Variants in EPB41L2 observed in about 807,000 individuals in gnomAD.
EPB41L2 encodes the protein erythrocyte membrane protein band 4.1 like 2, also known as band 4.1-like protein 2.
Under a neutral mutation model 113.0 loss-of-function variants are expected in EPB41L2, and 43 were observed. That is an observed-to-expected ratio of 0.38 (90% CI 0.30 to 0.49). The LOEUF is 0.49. Among genes scored for constraint, EPB41L2 ranks in the 20% least tolerant of loss-of-function variants. EPB41L2 has a pLI of 0.95. For synonymous variants in EPB41L2, 442 were observed against 436.7 expected (o/e 1.01, Z -0.15); for missense variants, 1,147 against 1,223.4 (o/e 0.94, Z 0.93).
At chr6:131,037,981 G>A (rs1489094234) in intron 1 of EPB41L2, among the ~76,000 whole-genome samples, 1 of 152,086 alleles carries the variant, frequency 6.6e-6, no homozygotes, top group Non-Finnish European at 1.5e-5. Context: ...GATTTATCAA[G>A]CATTATGTCC....
chr6:130,875,834 A>G (rs1416480942), intron 14 of EPB41L2, among the ~76,000 whole-genome samples: 1 of 152,074 alleles, frequency 6.6e-6, no homozygotes, highest in East Asian at 1.9e-4. Flanking sequence ...CGTCTCAACT[A>G]AAAACACAAA....
At chr6:130,900,855 A>G in intron 7 of EPB41L2, 107 bp downstream of exon 7, 1 of 1,356,404 alleles carries the variant, frequency 7.4e-7, no homozygotes, top group Non-Finnish European at 1.0e-6. Flanking sequence ...CTCCAAAAGG[A>G]AAAATTGGAT....
chr6:130,879,317 G>A (rs1041746267), intron 13 of EPB41L2, among the ~76,000 whole-genome samples: 8 of 152,064 alleles, frequency 5.3e-5, no homozygotes, highest in African/African-American at 1.9e-4. Flanking sequence ...TTGAGATCAG[G>A]CACATTTCTT....
At chr6:131,036,953 C>T (rs369761122) in intron 1 of EPB41L2, among the ~76,000 whole-genome samples, 1 of 152,150 alleles carries the variant, frequency 6.6e-6, no homozygotes, top group Non-Finnish European at 1.5e-5. Context: ...TTGGGTAAGT[C>T]GCTCTTAGGT....
intron 1 of EPB41L2, among the ~76,000 whole-genome samples, chr6:130,961,652 T>C (rs1773576078): frequency 6.6e-6 from 1 of 152,142 alleles, no homozygotes; most frequent in Non-Finnish European, 1.5e-5. Flanking sequence ...TTCAGATGTT[T>C]CCTTAAAACA....
rs73632232 is a variant in EPB41L2, at chr6:130,867,374, T to C, written c.2730+85A>G. The C allele has an allele frequency of 1.8e-3, 2,726 of 1,531,758 alleles. 43 individuals are homozygous for C. In the African/African-American group the frequency reaches 0.028, roughly 16 times the overall value. 94.9% of individuals were successfully genotyped at this position (1,531,758 alleles called of 1,614,324 possible). A position where few individuals can be genotyped will look rare whatever the true frequency, so the allele number is the denominator to read the frequency against. ...AAAAGCTACATCAAAGCCAGAAACA[T>C]GTAAACTAAGAGAAGAAAGAATGAA... is the stretch of plus-strand genomic sequence containing the variant. On this transcript the variant is annotated intron_variant, in intron 16 of 19. Transcript: ENST00000337057.
chr6:130,974,818 C>T (rs1186426720), intron 1 of EPB41L2, among the ~76,000 whole-genome samples: 1 of 147,912 alleles, frequency 6.8e-6, no homozygotes, highest in Non-Finnish European at 1.5e-5. Flanking sequence ...CTCTGCCTCC[C>T]AGGTTCAAGT....
intron 18 of EPB41L2, among the ~76,000 whole-genome samples, chr6:130,862,478 C>T (rs1782446767): frequency 1.3e-5 from 2 of 152,142 alleles, no homozygotes; most frequent in African/African-American, 4.8e-5. Flanking sequence ...CAAGACTGTT[C>T]CAGTGGATAG....
intron 1 of EPB41L2, among the ~76,000 whole-genome samples, chr6:130,977,509 C>T (rs979236930): frequency 6.6e-6 from 1 of 152,050 alleles, no homozygotes; most frequent in Admixed American, 6.6e-5. Flanking sequence ...GAATAGAGAC[C>T]CTTCATTGTT....
chr6:130,902,989 A>G lies in EPB41L2; in HGVS notation c.929+1476T>C, dbSNP rs529607596. On this transcript the variant is annotated intron_variant, in intron 6 of 19. Transcript: ENST00000337057. ...CATGACATTTAAGCTTCCAGGCCAC[A>G]AGTACAGGCAGGTGGCTGGTCTCAG... 1.1e-4 allele frequency among the ~76,000 whole-genome samples: 16 copies of G among 152,344 alleles called. 1 individual carries two copies. The highest frequency in any genetic ancestry group is 3.8e-4 in the African/African-American group (16 of 41,572).
At position 130,884,901 on chromosome 6, in the gene EPB41L2, A is replaced by G. The variant is rs186449028; in HGVS notation, c.1833+195T>C. Among the ~76,000 whole-genome samples, 301 of 152,358 alleles carry G rather than the reference A, an allele frequency of 2.0e-3. 2 individuals are homozygous for G. Among genetic ancestry groups the G allele is most frequent in the Non-Finnish European group, 3.2e-3 (217 of 68,026 alleles). On this transcript the variant is annotated intron_variant, in intron 12 of 19. Transcript: ENST00000337057. Reference sequence around the variant, plus strand: ...TAAATTACTTACTTGCATTAAAATAACTTACATTGAAATATTCTGCTTTGA... The same window carrying G: ...TAAATTACTTACTTGCATTAAAATAGCTTACATTGAAATATTCTGCTTTGA...
chr6:130,975,766 G>C (rs1778049443), intron 1 of EPB41L2, among the ~76,000 whole-genome samples: 1 of 152,204 alleles, frequency 6.6e-6, no homozygotes, highest in Non-Finnish European at 1.5e-5. Flanking sequence ...GCTCACGCCT[G>C]TAATCCCAGC....
At chr6:130,978,985 G>C (rs1434830277) in intron 1 of EPB41L2, among the ~76,000 whole-genome samples, 2 of 152,190 alleles carry the variant, frequency 1.3e-5, no homozygotes, top group Non-Finnish European at 2.9e-5. Flanking sequence ...ATGCATTGTA[G>C]AGAACACTGA....
At chr6:131,003,696 C>G (rs1265892935) in intron 1 of EPB41L2, among the ~76,000 whole-genome samples, 1 of 152,200 alleles carries the variant, frequency 6.6e-6, no homozygotes, top group Admixed American at 6.5e-5. Context: ...ATATTGTCAT[C>G]TCCCTACTTC....
At chr6:130,953,112 T>C (rs564731741) in intron 3 of EPB41L2, among the ~76,000 whole-genome samples, 9 of 151,378 alleles carry the variant, frequency 5.9e-5, no homozygotes, top group South Asian at 4.2e-4. Flanking sequence ...TAAGGTCACA[T>C]TAACATCAAG....
intron 1 of EPB41L2, among the ~76,000 whole-genome samples, chr6:130,978,315 A>G (rs1778625656): frequency 6.6e-6 from 1 of 152,180 alleles, no homozygotes; most frequent in African/African-American, 2.4e-5. Context: ...TACAGCCCCA[A>G]TCTGGGGCCC....
intron 10 of EPB41L2, among the ~76,000 whole-genome samples, chr6:130,891,460 A>T (rs200787906): frequency 7.9e-6 from 1 of 125,856 alleles, no homozygotes; most frequent in African/African-American, 3.6e-5. Context: ...TACTTATTTA[A>T]TTTTTTGAGA....
intron 18 of EPB41L2, among the ~76,000 whole-genome samples, chr6:130,859,000 G>A (rs756744698): frequency 5.3e-5 from 8 of 152,206 alleles, no homozygotes; most frequent in Non-Finnish European, 1.0e-4. Flanking sequence ...TAGGAGCAGG[G>A]AGGACCCAGA....
chr6:130,858,319 CTG>C, intron 18 of EPB41L2, 76 bp from the exon 19 acceptor site: 2 of 1,165,218 alleles, frequency 1.7e-6, no homozygotes. Flanking sequence ...CACACACACA[CTG>C]ATCACCTCGG....
Sources: gnomAD v4.1 joint callset for allele counts (sites outside exome capture counted in the v4.1 genomes callset) on GRCh38, gnomAD v4.1.1 for gene constraint, MANE v1.5 for transcripts, NCBI Gene and HGNC (gene_info 2026-07-23, HGNC 2026-07-21) for gene names.